The following LATS1 variants were observed in gnomAD, a reference collection of about 807,000 sequenced individuals.
LATS1 encodes the protein large tumor suppressor kinase 1, also known as serine/threonine-protein kinase LATS1.
A neutral mutation model predicts 106.6 loss-of-function variants in LATS1; 25 were observed. The ratio of observed to expected loss-of-function variants is 0.23; its 90% CI spans 0.17 to 0.33. The LOEUF (loss-of-function observed/expected upper bound fraction) is 0.33, where lower values mean the gene tolerates loss of function less well. Among genes scored for constraint, LATS1 ranks in the 10% least tolerant of loss-of-function variants. The probability of loss-of-function intolerance (pLI) is 1.00; values close to 1 mark genes in which losing one functional copy is unlikely to be tolerated. For missense variants in LATS1, 1,040 were observed against 1,382.6 expected (o/e 0.75, Z 3.93); for synonymous variants, 465 against 455.6 (o/e 1.02, Z -0.26).
intron 3 of LATS1, among the ~76,000 whole-genome samples, chr6:149,690,217 T>C (rs11298699): frequency 2.0e-5 from 3 of 148,698 alleles, no homozygotes; most frequent in Non-Finnish European, 4.5e-5. Context: ...TTTTTTCTTT[T>C]TTTTTTTTTT....
chr6:149,705,253 C>A (rs1783698425), intron 1 of LATS1, among the ~76,000 whole-genome samples: 1 of 152,142 alleles, frequency 6.6e-6, no homozygotes, highest in Non-Finnish European at 1.5e-5. Context: ...CTTTTCTAAG[C>A]TTTCCCAAAA....
chr6:149,687,308 C>T (rs2114849180), intron 3 of LATS1, among the ~76,000 whole-genome samples: 1 of 152,270 alleles, frequency 6.6e-6, no homozygotes. Flanking sequence ...TCAGGCTGGT[C>T]TTGAACTCCT....
rs1018540382 is a variant in LATS1, at chr6:149,680,558, T to C, written c.2011-101A>G. ...TTCAGGCATATATTTAAAGGTTAAA[T>C]GCATAATTTTTAATAAAGCATGTTA... On this transcript the variant is annotated intron_variant, in intron 4 of 7. Transcript: ENST00000543571. 1.4e-5 allele frequency: 11 copies of C among 786,602 alleles called. No individual in the cohort carries two copies. The African/African-American group carries it at 1.8e-4, about 13-fold the overall frequency. 48.7% of individuals were successfully genotyped at this position (786,602 alleles called of 1,614,324 possible).
chr6:149,702,142 T>C lies in LATS1; in HGVS notation c.-16A>G, dbSNP rs1783499773. On this transcript the variant is annotated 5_prime_UTR_variant, in exon 2 of 8. Transcript: ENST00000543571. ...TCCTCTTCATGAAAACATCTATATA[T>C]GTAGCCCACACGAAGGACTTCTTTA... 7.9e-6 allele frequency: 12 copies of C among 1,519,084 alleles called. No individual in the cohort carries two copies. Among genetic ancestry groups the C allele is most frequent in the African/African-American group, 1.4e-5 (1 of 72,048 alleles). 94.1% of individuals were successfully genotyped at this position (1,519,084 alleles called of 1,614,324 possible).
intron 7 of LATS1, among the ~76,000 whole-genome samples, chr6:149,669,646 G>A (rs1398623807): frequency 6.6e-6 from 1 of 151,652 alleles, no homozygotes; most frequent in Non-Finnish European, 1.5e-5. Flanking sequence ...CTGTAATCCA[G>A]GCTACTTGGG....
chr6:149,662,980 A>AG (rs1780953840), intron 7 of LATS1, among the ~76,000 whole-genome samples: 1 of 151,536 alleles, frequency 6.6e-6, no homozygotes, highest in Non-Finnish European at 1.5e-5. Context: ...AAAAAAAAAA[A>AG]AAAAAAAGAA....
intron 7 of LATS1, among the ~76,000 whole-genome samples, chr6:149,663,562 C>T (rs1399885443): frequency 6.6e-6 from 1 of 152,138 alleles, no homozygotes; most frequent in Non-Finnish European, 1.5e-5. Context: ...ACAGTATAAT[C>T]TTCCTTATTT....
rs1780909230 is a variant in LATS1, at chr6:149,662,118, C to T, written c.3004G>A (p.Asp1002Asn). The T allele has an allele frequency of 3.7e-6, 6 of 1,614,086 alleles. No homozygotes were observed. Among genetic ancestry groups the T allele is most frequent in the Non-Finnish European group, 4.2e-6 (5 of 1,180,016 alleles). The change falls in exon 8 of 8, where the codon GAT becomes AAT. Residue 1002 changes from aspartate (D) to asparagine (N), a missense_variant. Transcript: ENST00000543571. ...PEDRLGKNGA[D>N]EIKAHPFFKT... ...AAAAATGGATGAGCTTTTATTTCAT[C>T]AGCACCATTCTTGCCTAAGCGATCT...
At position 149,702,158 on chromosome 6, in the gene LATS1, G is replaced by A; in HGVS notation, c.-32C>T. On this transcript the variant is annotated 5_prime_UTR_variant, in exon 2 of 8. Coordinates refer to ENST00000543571, the MANE Select transcript of LATS1 (RefSeq NM_004690.4). ...ATCTATATATGTAGCCCACACGAAGGACTTCTTTATTTGATAGATCCAGAG... is the reference window on the plus strand; with the variant it reads ...ATCTATATATGTAGCCCACACGAAGAACTTCTTTATTTGATAGATCCAGAG... The A allele has an allele frequency of 7.1e-7, 1 of 1,414,534 alleles. No homozygotes were observed. The highest frequency in any genetic ancestry group is 1.3e-5 in the South Asian group (1 of 77,086). The allele number at this position is 1,414,534 out of a possible 1,614,324, so 87.6% of individuals were successfully genotyped here. A position where few individuals can be genotyped will look rare whatever the true frequency, so the allele number is the denominator to read the frequency against.
At position 149,684,463 on chromosome 6, in the gene LATS1, G is replaced by A; in HGVS notation, c.626C>T (p.Thr209Ile). The stretch of plus-strand genomic sequence containing the variant: ...TCCAGACAAAGGTCTTCCTACATCT[G>A]TCTGTGAGTTGGGACTCTCAGAATG... ...AYHSESPNSQ[T>I]DVGRPLSGSG... The change falls in exon 4 of 8, where the codon ACA becomes ATA. Residue 209 changes from threonine (T) to isoleucine (I), a missense_variant. Around this residue, in one of 7 missense-constraint regions of LATS1, gnomAD observed 624 missense variants for 714.8 expected, o/e 0.87. Transcript: ENST00000543571. The A allele has an allele frequency of 6.2e-7, 1 of 1,614,080 alleles. No individual in the cohort carries two copies. The highest frequency in any genetic ancestry group is 8.5e-7 in the Non-Finnish European group (1 of 1,179,978).
intron 1 of LATS1, among the ~76,000 whole-genome samples, chr6:149,711,997 C>T (rs1234142490): frequency 6.6e-6 from 1 of 152,054 alleles, no homozygotes; most frequent in Non-Finnish European, 1.5e-5. Flanking sequence ...TGCGCACACA[C>T]GCAGCACACA....
chr6:149,713,574 G>A (rs142388049), intron 1 of LATS1, among the ~76,000 whole-genome samples: 1,645 of 152,240 alleles, frequency 0.011, 32 homozygotes, highest in African/African-American at 0.038. Flanking sequence ...GCGATTACAG[G>A]TGTGAGCCAC....
At chr6:149,696,471 G>A (rs1476446501) in intron 2 of LATS1, among the ~76,000 whole-genome samples, 1 of 147,060 alleles carries the variant, frequency 6.8e-6, no homozygotes, top group Admixed American at 6.9e-5. Context: ...GGGAGGCTGA[G>A]GCAGGAGAAC....
intron 4 of LATS1, among the ~76,000 whole-genome samples, chr6:149,682,317 TAAGA>T (rs1276284913): frequency 6.6e-6 from 1 of 152,098 alleles, no homozygotes; most frequent in Non-Finnish European, 1.5e-5. Context: ...CACTTTTTAA[TAAGA>T]TATATGTGAT....
intron 7 of LATS1, among the ~76,000 whole-genome samples, chr6:149,672,377 AT>A (rs929258796): frequency 7.0e-6 from 1 of 142,402 alleles, no homozygotes; most frequent in Non-Finnish European, 1.5e-5. Flanking sequence ...TGCCTGGCTA[AT>A]TTTTTATTTT....
chr6:149,712,258 C>T (rs184480827), intron 1 of LATS1, among the ~76,000 whole-genome samples: 1 of 152,188 alleles, frequency 6.6e-6, no homozygotes, highest in Admixed American at 6.6e-5. Flanking sequence ...AGTGCAATGG[C>T]GCGATCTTGG....
At chr6:149,713,801 A>T (rs1479620497) in intron 1 of LATS1, among the ~76,000 whole-genome samples, 2 of 152,040 alleles carry the variant, frequency 1.3e-5, no homozygotes, top group Non-Finnish European at 1.5e-5. Context: ...CTGGAATTAC[A>T]GGCATGTGCC....
At chr6:149,685,257 T>A (rs1005477946) in intron 3 of LATS1, among the ~76,000 whole-genome samples, 1 of 151,862 alleles carries the variant, frequency 6.6e-6, no homozygotes, top group Admixed American at 6.6e-5. Flanking sequence ...ATATATATAT[T>A]TTTGAAGAGA....
intron 7 of LATS1, among the ~76,000 whole-genome samples, chr6:149,669,538 T>C (rs1053326107): frequency 2.6e-5 from 4 of 151,854 alleles, no homozygotes; most frequent in South Asian, 2.1e-4. Flanking sequence ...CGTGGGAGGA[T>C]TGCTTCAGCC....
Sources: gnomAD v4.1 joint callset for allele counts (sites outside exome capture counted in the v4.1 genomes callset) on GRCh38, gnomAD v4.1.1 for gene constraint, gnomAD v4.1.1 regional missense constraint, MANE v1.5 for transcripts, NCBI Gene and HGNC (gene_info 2026-07-23, HGNC 2026-07-21) for gene names.